FRMPD4: variants seen among roughly 807,000 people sequenced by gnomAD.
The protein encoded by FRMPD4 is FERM and PDZ domain containing 4.
A neutral mutation model predicts 94.1 loss-of-function variants in FRMPD4; 22 were observed. The ratio of observed to expected loss-of-function variants is 0.23; its 90% CI spans 0.17 to 0.33. The LOEUF (loss-of-function observed/expected upper bound fraction) is 0.33, where lower values mean the gene tolerates loss of function less well. Ranked by LOEUF, FRMPD4 falls within the 10% of genes least tolerant of loss-of-function variation. The pLI, the probability that FRMPD4 is intolerant of heterozygous loss-of-function variation, is 1.00. For synonymous variants in FRMPD4, 631 were observed against 548.6 expected, an observed-to-expected ratio of 1.15 and a Z score of -2.10; for missense variants, 1,111 against 1,339.9, an observed-to-expected ratio of 0.83 and a Z score of 2.67.
At chrX:12,537,454 C>CTTTT (rs1569321899) in intron 2 of FRMPD4, among the ~76,000 whole-genome samples, 1 of 88,048 alleles carries the variant, frequency 1.1e-5, no homozygotes, top group Non-Finnish European at 2.2e-5. Flanking sequence ...TTTTTTTTTT[C>CTTTT]CTTTTTTTTT....
At chrX:12,529,283 TC>T (rs2058260445) in intron 2 of FRMPD4, among the ~76,000 whole-genome samples, 1 of 112,743 alleles carries the variant, frequency 8.9e-6, no homozygotes, top group South Asian at 3.6e-4. Context: ...CATGTGGGCC[TC>T]CCCAGCATAA....
intron 1 of FRMPD4, among the ~76,000 whole-genome samples, chrX:11,839,873 T>C (rs989772803): frequency 9.0e-6 from 1 of 111,408 alleles, no homozygotes; most frequent in Non-Finnish European, 1.9e-5. Flanking sequence ...AGTGCCTTTG[T>C]TGAATGTAAC....
chrX:12,376,976 C>G (rs1356063831), intron 1 of FRMPD4, among the ~76,000 whole-genome samples: 2 of 111,994 alleles, frequency 1.8e-5, no homozygotes, highest in Non-Finnish European at 3.8e-5. Flanking sequence ...GCTTGCTGCT[C>G]CCCTAGGGTC....
At chrX:12,415,504 A>G (rs2148073728) in intron 1 of FRMPD4, among the ~76,000 whole-genome samples, 1 of 111,650 alleles carries the variant, frequency 9.0e-6, no homozygotes, top group African/African-American at 3.3e-5. Context: ...TCATCTTCCA[A>G]CACCCCCTTA....
At chrX:11,831,794 A>G (rs1193342934) in intron 1 of FRMPD4, among the ~76,000 whole-genome samples, 3 of 112,008 alleles carry the variant, frequency 2.7e-5, no homozygotes, top group Non-Finnish European at 5.6e-5. Flanking sequence ...TAGATATTGA[A>G]GGAATACCAA....
At chrX:11,882,439 T>C (rs999046349) in intron 3 of FRMPD4, among the ~76,000 whole-genome samples, 1 of 111,409 alleles carries the variant, frequency 9.0e-6, no homozygotes, top group Non-Finnish European at 1.9e-5. Context: ...AGCATTTTGT[T>C]TTATGACATA....
intron 3 of FRMPD4, among the ~76,000 whole-genome samples, chrX:12,034,868 G>A (rs1161051903): frequency 1.8e-5 from 2 of 112,266 alleles, no homozygotes; most frequent in East Asian, 2.8e-4. Flanking sequence ...AGCAACCAGC[G>A]TTTGAGTGTT....
Position 12,716,831 on chromosome X carries a change from G to A in FRMPD4, c.2372G>A (p.Gly791Asp). ...CTCACATCCCTGCCCCCTCCAGAAGGTGATGACAATGAGGATGACTTCCTG... is the reference window on the plus strand; with the variant it reads ...CTCACATCCCTGCCCCCTCCAGAAGATGATGACAATGAGGATGACTTCCTG... ...IDLTSLPPPE[G>D]DDNEDDFLLR... Residue 791 changes from glycine (G) to aspartate (D), a missense_variant, in exon 15 of 17, where the codon GGT becomes GAT. Gly to Asp is a moderately conservative substitution (Grantham distance 94, BLOSUM62 -1). Around this residue, in one of 8 missense-constraint regions of FRMPD4, gnomAD observed 74 missense variants for 93.9 expected, o/e 0.79. Transcript: ENST00000675598. 8.3e-7 allele frequency: 1 copy of A among 1,211,945 alleles called. No homozygotes were observed. The highest frequency in any genetic ancestry group is 1.1e-6 in the Non-Finnish European group (1 of 895,493).
At chrX:12,520,560 CAGA>C (rs1317903697) in intron 2 of FRMPD4, among the ~76,000 whole-genome samples, 6 of 111,718 alleles carry the variant, frequency 5.4e-5, no homozygotes, top group South Asian at 3.8e-4. Context: ...GTGCCACTGT[CAGA>C]AGAAGTAGTT....
intron 1 of FRMPD4, among the ~76,000 whole-genome samples, chrX:12,496,347 G>T (rs1229222593): frequency 3.6e-5 from 4 of 112,117 alleles, no homozygotes; most frequent in African/African-American, 1.3e-4. Context: ...TTGTTTCAAT[G>T]CATTCACACC....
intron 3 of FRMPD4, among the ~76,000 whole-genome samples, chrX:11,882,385 G>C (rs1167952106): frequency 9.0e-6 from 1 of 111,239 alleles, no homozygotes; most frequent in Non-Finnish European, 1.9e-5. Flanking sequence ...GGCTGGCAAA[G>C]AGAGACTGTG....
chrX:11,836,199 G>A lies in FRMPD4; in HGVS notation c.-161+13484G>A, dbSNP rs1032194703. 8.1e-5 allele frequency among the ~76,000 whole-genome samples: 9 copies of A among 111,190 alleles called. No homozygotes were observed. The South Asian group carries it at 2.3e-3, about 28-fold the overall frequency. ...TATAACCATGAATACAACTACTTAC[G>A]GGGCCTGTGAGTCCTTCTAGAAATT... is the stretch of plus-strand genomic sequence containing the variant. On this transcript the variant is annotated intron_variant, in intron 1 of 18. Coordinates refer to the FRMPD4 transcript ENST00000640291.
At chrX:12,059,134 T>A (rs955169546) in intron 3 of FRMPD4, among the ~76,000 whole-genome samples, 13 of 111,919 alleles carry the variant, frequency 1.2e-4, no homozygotes, top group Non-Finnish European at 9.4e-5. Context: ...GCCCCACATG[T>A]GCTTAAGAAG....
chrX:12,069,853 G>A (rs1339447837), intron 3 of FRMPD4, among the ~76,000 whole-genome samples: 1 of 111,008 alleles, frequency 9.0e-6, no homozygotes, highest in Non-Finnish European at 1.9e-5. Context: ...AGATGGGCTG[G>A]ATCATGGGAA....
chrX:12,367,369 G>C (rs776861031), intron 1 of FRMPD4, among the ~76,000 whole-genome samples: 21 of 112,331 alleles, frequency 1.9e-4, no homozygotes, highest in African/African-American at 6.1e-4. Flanking sequence ...GCCTACCCCA[G>C]GGGCACCCTT....
chrX:12,651,151 C>T lies in FRMPD4; in HGVS notation c.423-23712C>T, dbSNP rs1053816075. On this transcript the variant is annotated intron_variant, in intron 4 of 16. Transcript: ENST00000675598. ...ATGCTTATAAAATCTAGATGCTTCA[C>T]GGACAAGGGCGCAAGCAGAAAACAT... 3.6e-5 allele frequency among the ~76,000 whole-genome samples: 4 copies of T among 112,292 alleles called. No homozygotes were observed. The East Asian group carries it at 8.3e-4, about 23-fold the overall frequency.
chrX:12,286,935 ACT>A lies in FRMPD4; in HGVS notation c.41+147930_41+147931del, dbSNP rs1357299335. Among the ~76,000 whole-genome samples the A allele has an allele frequency of 1.1e-4, 12 of 111,724 alleles. No individual in the cohort carries two copies. The Admixed American group carries it at 1.1e-3, about 11-fold the overall frequency. ...GGAACCTTGAGCCTGCACAGCAAAC[ACT>A]CTCTCTGGAGGCATCAATCCTGACT... On this transcript the variant is annotated intron_variant, in intron 1 of 16. Transcript: ENST00000675598.
chrX:11,976,690 T>G (rs1332621020), intron 3 of FRMPD4, among the ~76,000 whole-genome samples: 1 of 112,198 alleles, frequency 8.9e-6, no homozygotes, highest in Non-Finnish European at 1.9e-5. Flanking sequence ...TTGTTTTGTT[T>G]CAAAAAAGCC....
intron 2 of FRMPD4, among the ~76,000 whole-genome samples, chrX:11,869,526 CATT>C (rs1181889222): frequency 4.5e-5 from 5 of 112,070 alleles, no homozygotes; most frequent in African/African-American, 1.3e-4. Context: ...AATCATACCA[CATT>C]ATATACATAT....
Sources: gnomAD v4.1 joint callset for allele counts (sites outside exome capture counted in the v4.1 genomes callset) on GRCh38, gnomAD v4.1.1 for gene constraint, gnomAD v4.1.1 regional missense constraint, MANE v1.5 for transcripts, NCBI Gene and HGNC (gene_info 2026-07-23, HGNC 2026-07-21) for gene names.